Variants in FNBP1L observed in about 807,000 individuals in gnomAD.
The protein encoded by FNBP1L is formin-binding protein 1-like.
Under a neutral mutation model 91.2 loss-of-function variants are expected in FNBP1L, and 36 were observed. That is an observed-to-expected ratio of 0.39 (90% CI 0.30 to 0.52). The LOEUF (loss-of-function observed/expected upper bound fraction) is 0.52, where lower values mean the gene tolerates loss of function less well. Among genes scored for constraint, FNBP1L ranks in the 20% least tolerant of loss-of-function variants. The probability of loss-of-function intolerance (pLI) is 0.66; values close to 1 mark genes in which losing one functional copy is unlikely to be tolerated. For missense variants in FNBP1L, 571 were observed against 732.1 expected, an observed-to-expected ratio of 0.78 and a Z score of 2.54; for synonymous variants, 242 against 237.0, an observed-to-expected ratio of 1.02 and a Z score of -0.19.
intron 2 of FNBP1L, among the ~76,000 whole-genome samples, chr1:93,515,849 G>T (rs1373592231): frequency 1.3e-5 from 2 of 151,930 alleles, no homozygotes; most frequent in African/African-American, 4.8e-5. Context: ...CACCAGCATG[G>T]CACATGTATA....
intron 2 of FNBP1L, among the ~76,000 whole-genome samples, chr1:93,506,781 A>G (rs1224344023): frequency 6.6e-6 from 1 of 152,154 alleles, no homozygotes. Flanking sequence ...ATATTTTGAG[A>G]AAGTATTTGG....
chr1:93,463,194 A>G lies in FNBP1L; in HGVS notation c.24+14889A>G, dbSNP rs147699148. ...GCGCTTCCTTACTTTCTGGGACTGT[A>G]AGATATGTGATCCAGGCTCATTTTG... On this transcript the variant is annotated intron_variant, in intron 1 of 16. Transcript: ENST00000271234. Among the ~76,000 whole-genome samples the G allele has an allele frequency of 1.9e-3, 289 of 152,238 alleles. 2 individuals carry two copies. The highest frequency in any genetic ancestry group is 6.7e-3 in the African/African-American group (278 of 41,534).
At chr1:93,499,121 T>G (rs1301766325) in intron 1 of FNBP1L, among the ~76,000 whole-genome samples, 3 of 152,118 alleles carry the variant, frequency 2.0e-5, no homozygotes, top group African/African-American at 7.2e-5. Flanking sequence ...GGAGAAAGTC[T>G]GAGAGTTTAG....
At chr1:93,543,864 T>C (rs1263872164) in intron 11 of FNBP1L, 2 of 253,114 alleles carry the variant, frequency 7.9e-6, no homozygotes, top group Non-Finnish European at 1.5e-5. Flanking sequence ...ATTTTACTTA[T>C]TCTGTTTCAT....
At chr1:93,542,849 T>A (rs1247259735) in intron 11 of FNBP1L, among the ~76,000 whole-genome samples, 2 of 149,818 alleles carry the variant, frequency 1.3e-5, no homozygotes, top group Non-Finnish European at 3.0e-5. Flanking sequence ...AATGGCGCGA[T>A]CTTGGCTCAC....
chr1:93,550,758 C>G (rs1672384173), intron 15 of FNBP1L, among the ~76,000 whole-genome samples, 189 bp from the exon 16 acceptor site: 1 of 152,136 alleles, frequency 6.6e-6, no homozygotes, highest in South Asian at 2.1e-4. Context: ...TTATGCAGCT[C>G]AAATGAGAGA....
At chr1:93,531,026 GA>G in intron 7 of FNBP1L, 143 bp downstream of exon 7, 1 of 662,382 alleles carries the variant, frequency 1.5e-6, no homozygotes, top group Non-Finnish European at 2.4e-6. Context: ...TTATAGATTT[GA>G]AAACAAGTGT....
At chr1:93,541,466 C>T (rs567488813) in intron 11 of FNBP1L, among the ~76,000 whole-genome samples, 2 of 150,200 alleles carry the variant, frequency 1.3e-5, no homozygotes, top group Non-Finnish European at 3.0e-5. Flanking sequence ...TAGATTTTTC[C>T]AAAAAAAGAA....
chr1:93,549,925 C>A (rs1455029569), intron 15 of FNBP1L, among the ~76,000 whole-genome samples: 1 of 152,178 alleles, frequency 6.6e-6, no homozygotes, highest in Non-Finnish European at 1.5e-5. Flanking sequence ...TAGCTACTGA[C>A]TATGTTATCT....
chr1:93,509,600 C>T (rs755797162), intron 2 of FNBP1L, among the ~76,000 whole-genome samples: 3 of 152,182 alleles, frequency 2.0e-5, no homozygotes, highest in East Asian at 1.9e-4. Context: ...TGTAGTCAAT[C>T]GGAGGAGCCA....
chr1:93,524,581 CTTTTTTTTTTTTTT>C lies in FNBP1L; in HGVS notation c.405+265_405+278del, dbSNP rs34173735. Among the ~76,000 whole-genome samples the C allele has an allele frequency of 2.6e-5, 3 of 113,430 alleles. No individual in the cohort carries two copies. The Admixed American group carries it at 2.7e-4, about 10-fold the overall frequency. The allele number at this position is 113,430 out of a possible 152,430, so 74.4% of individuals were successfully genotyped here. ...ATCATTGTGAACATTTAAGGAGATTCTTTTTTTTTTTTTTTTTTTTACTTTAAAGTAGTTACTAT... is the reference window on the plus strand; with the variant it reads ...ATCATTGTGAACATTTAAGGAGATTCTTTTTTACTTTAAAGTAGTTACTAT... On this transcript the variant is annotated intron_variant, in intron 5 of 16. Coordinates refer to ENST00000271234, the MANE Select transcript of FNBP1L (RefSeq NM_001164473.3).
chr1:93,542,319 A>G (rs967043861), intron 11 of FNBP1L, among the ~76,000 whole-genome samples: 3 of 151,998 alleles, frequency 2.0e-5, no homozygotes, highest in Non-Finnish European at 4.4e-5. Context: ...TAGATTAAAT[A>G]TGACAAATTT....
chr1:93,541,451 G>GTCA (rs1388056169), intron 11 of FNBP1L, among the ~76,000 whole-genome samples: 5 of 152,028 alleles, frequency 3.3e-5, no homozygotes, highest in Non-Finnish European at 7.4e-5. Context: ...TATCCCCAGA[G>GTCA]TCATTAGATT....
intron 2 of FNBP1L, among the ~76,000 whole-genome samples, chr1:93,515,617 G>T (rs1671068090): frequency 6.6e-6 from 1 of 151,942 alleles, no homozygotes; most frequent in African/African-American, 2.4e-5. Context: ...CCTTTGTAGG[G>T]ACATGGATGA....
At chr1:93,516,136 C>G (rs1671098734) in intron 2 of FNBP1L, among the ~76,000 whole-genome samples, 1 of 151,906 alleles carries the variant, frequency 6.6e-6, no homozygotes, top group African/African-American at 2.4e-5. Context: ...TTCAGTGTAT[C>G]TGATTTAAAA....
intron 6 of FNBP1L, 66 bp downstream of exon 6, chr1:93,529,822 G>A (rs1671617772): frequency 8.6e-6 from 8 of 934,676 alleles, no homozygotes; most frequent in Non-Finnish European, 1.1e-5. Context: ...AAGTAGTCAC[G>A]ACATTTGTAT....
chr1:93,530,306 T>G (rs918650280), intron 6 of FNBP1L, among the ~76,000 whole-genome samples: 13 of 152,170 alleles, frequency 8.5e-5, no homozygotes, highest in African/African-American at 3.1e-4. Context: ...AGTTCCATAT[T>G]TTAGTTGGAT....
chr1:93,514,009 A>G (rs992516188), intron 2 of FNBP1L, among the ~76,000 whole-genome samples: 6 of 152,122 alleles, frequency 3.9e-5, no homozygotes, highest in African/African-American at 1.4e-4. Context: ...ATGATTGTAT[A>G]TCTAGAAAAC....
intron 11 of FNBP1L, among the ~76,000 whole-genome samples, chr1:93,541,377 A>G (rs1672037897): frequency 6.6e-6 from 1 of 152,170 alleles, no homozygotes; most frequent in African/African-American, 2.4e-5. Flanking sequence ...GCAGAAGGAA[A>G]ATTTAGCAAA....
Sources: allele counts gnomAD v4.1 joint callset (sites outside exome capture counted in the v4.1 genomes callset), GRCh38; gene constraint gnomAD v4.1.1; transcripts MANE v1.5; gene names NCBI Gene and HGNC (gene_info 2026-07-23, HGNC 2026-07-21).